Variants in PRKG1 observed in about 807,000 individuals in gnomAD.
PRKG1 encodes the protein protein kinase cGMP-dependent 1.
Under a neutral mutation model 88.1 loss-of-function variants are expected in PRKG1, and 35 were observed. The observed-to-expected ratio is 0.40, with a 90% confidence interval of 0.30 to 0.53. The LOEUF (loss-of-function observed/expected upper bound fraction) is 0.53, where lower values mean the gene tolerates loss of function less well. Ranked by LOEUF, PRKG1 falls within the 20% of genes least tolerant of loss-of-function variation. PRKG1 has a pLI of 0.59. For missense variants in PRKG1, 540 were observed against 839.8 expected (o/e 0.64, Z 4.41); for synonymous variants, 303 against 292.5 (o/e 1.04, Z -0.37).
At chr10:52,155,354 G>C (rs1838062481) in intron 8 of PRKG1, among the ~76,000 whole-genome samples, 1 of 151,956 alleles carries the variant, frequency 6.6e-6, no homozygotes, top group Admixed American at 6.6e-5. Flanking sequence ...AAGTGAGAAA[G>C]AGTTAAAAAT....
intron 8 of PRKG1, among the ~76,000 whole-genome samples, chr10:52,137,884 T>C (rs1291755525): frequency 6.6e-6 from 1 of 152,154 alleles, no homozygotes; most frequent in African/African-American, 2.4e-5. Context: ...TTCACCGTTA[T>C]GGGAAGCTGT....
At chr10:51,837,825 G>C (rs1392768587) in intron 4 of PRKG1, among the ~76,000 whole-genome samples, 1 of 152,136 alleles carries the variant, frequency 6.6e-6, no homozygotes, top group East Asian at 1.9e-4. Context: ...TGATTAGATG[G>C]TTTAGGATAC....
intron 4 of PRKG1, among the ~76,000 whole-genome samples, chr10:51,862,495 G>C (rs552481581): frequency 6.6e-6 from 1 of 152,280 alleles, no homozygotes; most frequent in Admixed American, 6.5e-5. Flanking sequence ...GACCTGAAGT[G>C]GGTAGCCCTC....
Position 51,602,742 on chromosome 10 carries a change from GT to G in PRKG1, c.592+134907del, listed in dbSNP as rs1838644081. Among the ~76,000 whole-genome samples, 3 of 50,912 alleles carry G rather than the reference GT, an allele frequency of 5.9e-5. 1 individual carries two copies. The highest frequency in any genetic ancestry group is 1.9e-4 in the African/African-American group (3 of 15,500). 33.4% of individuals were successfully genotyped at this position (50,912 alleles called of 152,430 possible). A position where few individuals can be genotyped will look rare whatever the true frequency, so the allele number is the denominator to read the frequency against. On this transcript the variant is annotated intron_variant, in intron 3 of 17. Coordinates refer to ENST00000373980, the MANE Select transcript of PRKG1 (RefSeq NM_006258.4). Reference sequence around the variant, plus strand: ...CTTTGATTAATATATATGTGTGTGTGTGTGTGTGTGTGTGTGTGTGTGTGTG... The same window carrying G: ...CTTTGATTAATATATATGTGTGTGTGGTGTGTGTGTGTGTGTGTGTGTGTG...
intron 9 of PRKG1, among the ~76,000 whole-genome samples, chr10:52,214,377 T>C (rs921307709): frequency 1.5e-4 from 23 of 152,196 alleles, no homozygotes; most frequent in African/African-American, 5.6e-4. Flanking sequence ...AACAGTATGC[T>C]GGTGTCATTT....
chr10:51,325,813 G>A (rs902117204), intron 2 of PRKG1, among the ~76,000 whole-genome samples: 2 of 152,112 alleles, frequency 1.3e-5, no homozygotes, highest in African/African-American at 4.8e-5. Context: ...TGGTCCCCCA[G>A]TGTTGGCCTG....
chr10:52,198,165 A>G lies in PRKG1; in HGVS notation c.1076+36202A>G, dbSNP rs1839557552. The stretch of plus-strand genomic sequence containing the variant: ...ACTGAGCTTCTTCATCGTTTTCCAC[A>G]TAGATACTCATTAAAAGTTGAACAT... On this transcript the variant is annotated intron_variant, in intron 9 of 17. Transcript: ENST00000373980. Among the ~76,000 whole-genome samples, 3 of 152,254 alleles carry G rather than the reference A, an allele frequency of 2.0e-5. No homozygotes were observed. The South Asian group carries it at 6.2e-4, about 31-fold the overall frequency.
chr10:51,670,741 AAAATAAATAAATAAATAAAT>A (rs554289419), intron 3 of PRKG1, among the ~76,000 whole-genome samples: 1 of 94,580 alleles, frequency 1.1e-5, no homozygotes, highest in Non-Finnish European at 2.4e-5. Context: ...GTCTCAAAAA[AAAATAAATAAATAAATAAAT>A]AAATAAATAA....
intron 5 of PRKG1, among the ~76,000 whole-genome samples, chr10:51,931,699 A>G (rs146345810): frequency 6.6e-6 from 1 of 152,350 alleles, no homozygotes; most frequent in Non-Finnish European, 1.5e-5. Flanking sequence ...AATTCAATAG[A>G]CAATACAGAG....
At chr10:51,487,665 A>T in intron 3 of PRKG1, among the ~76,000 whole-genome samples, 1 of 2,658 alleles carries the variant, frequency 3.8e-4, no homozygotes, top group South Asian at 0.016. Context: ...CCAAACAATT[A>T]TTAAGAATAT....
At chr10:51,603,832 G>A (rs1318970737) in intron 3 of PRKG1, among the ~76,000 whole-genome samples, 1 of 152,130 alleles carries the variant, frequency 6.6e-6, no homozygotes, top group African/African-American at 2.4e-5. Flanking sequence ...ATCAGAGAAG[G>A]CCTCTTGGAG....
At chr10:51,781,920 T>C (rs1278258967) in intron 3 of PRKG1, among the ~76,000 whole-genome samples, 2 of 151,586 alleles carry the variant, frequency 1.3e-5, no homozygotes, top group African/African-American at 2.4e-5. Flanking sequence ...ATCATCACGT[T>C]CCCCCTCACT....
chr10:51,157,907 A>C (rs1266155336), intron 2 of PRKG1, among the ~76,000 whole-genome samples: 3 of 151,878 alleles, frequency 2.0e-5, no homozygotes, highest in African/African-American at 4.8e-5. Flanking sequence ...AATAGTTGTA[A>C]GTAGTCATGT....
rs1842419979 is a variant in PRKG1, at chr10:52,298,184, A to G, written c.*4284A>G. 1 of 151,950 alleles carries G rather than the reference A, an allele frequency of 6.6e-6. No individual in the cohort carries two copies. Among genetic ancestry groups the G allele is most frequent in the Admixed American group, 6.6e-5 (1 of 15,208 alleles). 9.4% of individuals were successfully genotyped at this position (151,950 alleles called of 1,614,324 possible). A position where few individuals can be genotyped will look rare whatever the true frequency, so the allele number is the denominator to read the frequency against. On this transcript the variant is annotated 3_prime_UTR_variant, in exon 18 of 18. Transcript: ENST00000373980. ...TTCTTTGTTAGTCAGAATGCAACAAACTGTCATCAAATGGTCATTGACCAC... is the reference window on the plus strand; with the variant it reads ...TTCTTTGTTAGTCAGAATGCAACAAGCTGTCATCAAATGGTCATTGACCAC...
chr10:52,058,556 C>T (rs1254380415), intron 6 of PRKG1, among the ~76,000 whole-genome samples: 1 of 151,994 alleles, frequency 6.6e-6, no homozygotes, highest in Admixed American at 6.6e-5. Flanking sequence ...ATGAAAGTAA[C>T]TGACAGCAAA....
chr10:51,002,620 G>A (rs1168718931), intron 1 of PRKG1, among the ~76,000 whole-genome samples: 1 of 152,150 alleles, frequency 6.6e-6, no homozygotes, highest in Admixed American at 6.5e-5. Context: ...CCCTCAGAGA[G>A]TGCCATTCAG....
intron 3 of PRKG1, among the ~76,000 whole-genome samples, chr10:51,664,734 T>C (rs1840382067): frequency 6.6e-6 from 1 of 152,186 alleles, no homozygotes; most frequent in Non-Finnish European, 1.5e-5. Flanking sequence ...ACCAAACCAA[T>C]CTGATCTAAA....
intron 3 of PRKG1, among the ~76,000 whole-genome samples, chr10:51,555,867 C>A (rs978840301): frequency 6.6e-6 from 1 of 151,876 alleles, no homozygotes; most frequent in African/African-American, 2.4e-5. Flanking sequence ...TTCTCTGATA[C>A]CCCCTACATC....
chr10:51,051,921 A>G (rs1193492791), intron 1 of PRKG1, among the ~76,000 whole-genome samples: 1 of 152,182 alleles, frequency 6.6e-6, no homozygotes, highest in Non-Finnish European at 1.5e-5. Flanking sequence ...TAACTAACAC[A>G]TGTGGGTAGA....
Sources: allele counts gnomAD v4.1 joint callset (sites outside exome capture counted in the v4.1 genomes callset), GRCh38; gene constraint gnomAD v4.1.1; transcripts MANE v1.5; gene names NCBI Gene and HGNC (gene_info 2026-07-23, HGNC 2026-07-21).